Variants in FGGY observed in about 807,000 individuals in gnomAD.
The protein encoded by FGGY is FGGY carbohydrate kinase domain-containing protein.
A neutral mutation model predicts 71.3 loss-of-function variants in FGGY; 72 were observed. The ratio of observed to expected loss-of-function variants is 1.01; its 90% confidence interval spans 0.84 to 1.23. The LOEUF is 1.23. FGGY is among the 50% of genes most tolerant of loss of function. The probability of loss-of-function intolerance (pLI) is 0.00; values close to 1 mark genes in which losing one functional copy is unlikely to be tolerated. For missense variants in FGGY, 668 were observed against 682.3 expected (o/e 0.98, Z 0.23); for synonymous variants, 251 against 250.3 (o/e 1.00, Z -0.02).
At chr1:59,591,568 A>G (rs2096438848) in intron 8 of FGGY, among the ~76,000 whole-genome samples, 1 of 152,240 alleles carries the variant, frequency 6.6e-6, no homozygotes, top group Non-Finnish European at 1.5e-5. Flanking sequence ...CCAAAAGAGC[A>G]TGGTACTGGT....
intron 8 of FGGY, among the ~76,000 whole-genome samples, chr1:59,602,746 G>A (rs2096589738): frequency 6.6e-6 from 1 of 152,162 alleles, no homozygotes; most frequent in African/African-American, 2.4e-5. Context: ...CCATCTCTGT[G>A]AAATGCTCAC....
chr1:59,500,395 C>T (rs1004917669), intron 6 of FGGY, among the ~76,000 whole-genome samples: 1 of 152,038 alleles, frequency 6.6e-6, no homozygotes, highest in Non-Finnish European at 1.5e-5. Flanking sequence ...GGAGGACAGG[C>T]AGACACTGTG....
At chr1:59,592,383 C>T (rs1478682408) in intron 8 of FGGY, among the ~76,000 whole-genome samples, 1 of 152,076 alleles carries the variant, frequency 6.6e-6, no homozygotes, top group Non-Finnish European at 1.5e-5. Flanking sequence ...GTGGCAATTC[C>T]TCAGGGATCT....
chr1:59,305,542 T>G (rs61788315), intron 1 of FGGY, among the ~76,000 whole-genome samples: 28,888 of 152,152 alleles, frequency 0.19, 3,368 homozygotes, highest in East Asian at 0.4. Context: ...CTTGTCTAGC[T>G]TTAGTTTAAG....
intron 6 of FGGY, among the ~76,000 whole-genome samples, chr1:59,508,676 C>T (rs1273670057): frequency 6.6e-6 from 1 of 152,164 alleles, no homozygotes. Context: ...ATTTTGGTCT[C>T]TAAATAAACA....
chr1:59,344,348 G>A (rs1406458649), intron 3 of FGGY, among the ~76,000 whole-genome samples: 1 of 149,724 alleles, frequency 6.7e-6, no homozygotes, highest in Non-Finnish European at 1.5e-5. Flanking sequence ...TTTCAAAGAT[G>A]TGGAAGGGTA....
intron 14 of FGGY, among the ~76,000 whole-genome samples, chr1:59,745,015 A>ACT (rs2098183576): frequency 6.6e-6 from 1 of 152,062 alleles, no homozygotes; most frequent in South Asian, 2.1e-4. Context: ...CACACCTGTC[A>ACT]CTCTATCTGT....
intron 11 of FGGY, among the ~76,000 whole-genome samples, chr1:59,648,642 G>C (rs906209350): frequency 6.7e-6 from 1 of 150,184 alleles, no homozygotes; most frequent in Admixed American, 6.6e-5. Flanking sequence ...GTAGATTCTG[G>C]ATATTAGCCC....
At chr1:59,682,467 CAT>C (rs1431337823) in intron 14 of FGGY, among the ~76,000 whole-genome samples, 6 of 152,138 alleles carry the variant, frequency 3.9e-5, no homozygotes, top group African/African-American at 1.4e-4. Context: ...GTCATAGAGA[CAT>C]AGAGAAATCA....
At chr1:59,700,587 C>T (rs892851294) in intron 14 of FGGY, among the ~76,000 whole-genome samples, 1 of 152,158 alleles carries the variant, frequency 6.6e-6, no homozygotes, top group Non-Finnish European at 1.5e-5. Context: ...GCCTGCCCTC[C>T]CTTTGGAGTG....
chr1:59,512,475 A>G (rs752688997), intron 7 of FGGY, 36 bp downstream of exon 7: 1 of 1,601,942 alleles, frequency 6.2e-7, no homozygotes, highest in South Asian at 1.1e-5. Context: ...CCAAAACCGT[A>G]TTCAAATGGA....
chr1:59,647,420 C>A (rs567992589), intron 11 of FGGY, among the ~76,000 whole-genome samples: 1 of 152,262 alleles, frequency 6.6e-6, no homozygotes, highest in South Asian at 2.1e-4. Flanking sequence ...CAGTGTCCAT[C>A]CATCATTTTT....
At chr1:59,321,897 T>A in intron 2 of FGGY, 147 bp downstream of exon 2, 1 of 718,774 alleles carries the variant, frequency 1.4e-6, no homozygotes, top group Non-Finnish European at 2.3e-6. Flanking sequence ...GCTCACAGTC[T>A]ACTGGCAGAG....
At chr1:59,755,141 A>C (rs928296241) in intron 14 of FGGY, 13 of 152,202 alleles carry the variant, frequency 8.5e-5, no homozygotes, top group African/African-American at 3.1e-4. Flanking sequence ...AAGGTTTAAG[A>C]GTTGATTAAT....
chr1:59,738,523 G>C (rs1012223102), intron 14 of FGGY, among the ~76,000 whole-genome samples: 1 of 152,168 alleles, frequency 6.6e-6, no homozygotes, highest in African/African-American at 2.4e-5. Flanking sequence ...GAGTCACCAG[G>C]GCCCAAAAGT....
At chr1:59,379,306 C>A (rs1489667302) in intron 5 of FGGY, among the ~76,000 whole-genome samples, 1 of 152,038 alleles carries the variant, frequency 6.6e-6, no homozygotes, top group Non-Finnish European at 1.5e-5. Flanking sequence ...ATAGTGTATT[C>A]TACTACATAC....
At chr1:59,568,625 G>A (rs1022678434) in intron 8 of FGGY, among the ~76,000 whole-genome samples, 7 of 152,134 alleles carry the variant, frequency 4.6e-5, no homozygotes, top group African/African-American at 7.2e-5. Flanking sequence ...GTCCGTGTGT[G>A]CGTCTTCCCC....
At chr1:59,566,358 C>T (rs572408436) in intron 8 of FGGY, among the ~76,000 whole-genome samples, 1 of 152,066 alleles carries the variant, frequency 6.6e-6, no homozygotes, top group Non-Finnish European at 1.5e-5. Context: ...ATCCTCTTCT[C>T]CTATTCTGTT....
chr1:59,734,160 A>C (rs57662374), intron 14 of FGGY, among the ~76,000 whole-genome samples: 27 of 151,990 alleles, frequency 1.8e-4, no homozygotes, highest in East Asian at 1.4e-3. Flanking sequence ...TTTTCTTTTT[A>C]TTTATTTCAG....
Sources: allele counts gnomAD v4.1 joint callset (sites outside exome capture counted in the v4.1 genomes callset), GRCh38; gene constraint gnomAD v4.1.1; transcripts MANE v1.5; gene names NCBI Gene and HGNC (gene_info 2026-07-23, HGNC 2026-07-21).